Variants in PPP4R3A observed in about 807,000 individuals in gnomAD.
The protein encoded by PPP4R3A is protein phosphatase 4 regulatory subunit 3A.
PPP4R3A carries 15 observed loss-of-function variants against 91.7 expected under a neutral mutation model. The observed-to-expected ratio is 0.16, with a 90% CI of 0.11 to 0.25. The LOEUF is 0.25. Among genes scored for constraint, PPP4R3A ranks in the 10% least tolerant of loss-of-function variants. PPP4R3A has a pLI of 1.00. For synonymous variants in PPP4R3A, 377 were observed against 348.7 expected (o/e 1.08, Z -0.91); for missense variants, 623 against 998.4 (o/e 0.62, Z 5.07).
intron 10 of PPP4R3A, among the ~76,000 whole-genome samples, chr14:91,469,601 C>T (rs1292855672): frequency 6.6e-6 from 1 of 152,186 alleles, no homozygotes; most frequent in Non-Finnish European, 1.5e-5. Flanking sequence ...GACAGTGTCT[C>T]TCTGTTGCCC....
intron 1 of PPP4R3A, among the ~76,000 whole-genome samples, chr14:91,499,200 G>A (rs1890783207): frequency 6.6e-6 from 1 of 151,918 alleles, no homozygotes; most frequent in Non-Finnish European, 1.5e-5. Flanking sequence ...AGGAGGTTGA[G>A]GCTGCAGTGA....
intron 5 of PPP4R3A, 69 bp from the exon 6 acceptor site, chr14:91,476,593 C>T (rs1156960063): frequency 1.7e-6 from 2 of 1,194,098 alleles, no homozygotes; most frequent in African/African-American, 3.1e-5. Context: ...GAGACGGAGT[C>T]TTGCTCTTGT....
intron 1 of PPP4R3A, among the ~76,000 whole-genome samples, chr14:91,498,616 GCC>G (rs760389544): frequency 1.3e-5 from 2 of 151,866 alleles, no homozygotes; most frequent in African/African-American, 4.8e-5. Context: ...GATCACTTAA[GCC>G]TGGCTAATTT....
intron 10 of PPP4R3A, among the ~76,000 whole-genome samples, chr14:91,466,882 TATTTTAAGA>T (rs1397034788): frequency 6.6e-6 from 1 of 152,064 alleles, no homozygotes; most frequent in Non-Finnish European, 1.5e-5. Flanking sequence ...GGAGTATTAC[TATTTTAAGA>T]ATTTGTACTC....
intron 2 of PPP4R3A, among the ~76,000 whole-genome samples, chr14:91,487,053 C>A (rs1889934733): frequency 6.6e-6 from 1 of 151,838 alleles, no homozygotes; most frequent in East Asian, 1.9e-4. Context: ...TCAAGACCAG[C>A]CTGGCCAACA....
At chr14:91,459,376 G>T (rs1887981452) in intron 14 of PPP4R3A, among the ~76,000 whole-genome samples, 1 of 152,120 alleles carries the variant, frequency 6.6e-6, no homozygotes, top group Non-Finnish European at 1.5e-5. Context: ...AAAGTGCTGG[G>T]ATTACAGGCA....
chr14:91,471,037 CA>C, intron 9 of PPP4R3A, 42 bp from the exon 10 acceptor site: 1 of 1,525,824 alleles, frequency 6.6e-7, no homozygotes, highest in Non-Finnish European at 8.8e-7. Context: ...TAATGACTAA[CA>C]TTTTTCCTTC....
At chr14:91,480,681 T>G (rs1279669343) in intron 4 of PPP4R3A, among the ~76,000 whole-genome samples, 1 of 152,190 alleles carries the variant, frequency 6.6e-6, no homozygotes, top group South Asian at 2.1e-4. Context: ...ATCTGTTCTA[T>G]TCTATGCAAA....
chr14:91,492,103 G>A (rs1309309240), intron 1 of PPP4R3A, among the ~76,000 whole-genome samples: 2 of 152,320 alleles, frequency 1.3e-5, no homozygotes, highest in South Asian at 2.1e-4. Context: ...TTTATGGACA[G>A]CAGAAGGTAA....
chr14:91,500,877 C>G (rs1323477036), intron 1 of PPP4R3A, among the ~76,000 whole-genome samples: 1 of 151,992 alleles, frequency 6.6e-6, no homozygotes, highest in Non-Finnish European at 1.5e-5. Context: ...ACAAAAAATG[C>G]AAAAATTAGC....
chr14:91,463,800 T>C (rs1888307882), intron 11 of PPP4R3A, among the ~76,000 whole-genome samples: 1 of 152,156 alleles, frequency 6.6e-6, no homozygotes, highest in Admixed American at 6.5e-5. Context: ...ATGTGCGTAT[T>C]TGTTATACGG....
intron 1 of PPP4R3A, among the ~76,000 whole-genome samples, chr14:91,498,058 G>A (rs1479027013): frequency 6.6e-6 from 1 of 152,178 alleles, no homozygotes; most frequent in African/African-American, 2.4e-5. Context: ...AAGTAGGCCA[G>A]GCATGGTGGC....
Position 91,507,420 on chromosome 14 carries a change from A to ATATATACTATAATTATATATAC in PPP4R3A, c.142+2085_142+2086insGTATATATAATTATAGTATATA, listed in dbSNP as rs1566660364. ...GTACTATAATTATATATACTATATA[A>ATATATACTATAATTATATATAC]TATATATACTATAATTATATATACT... On this transcript the variant is annotated intron_variant, in intron 1 of 14. Coordinates refer to ENST00000554943, the MANE Select transcript of PPP4R3A (RefSeq NM_001366432.2). 5.4e-4 allele frequency among the ~76,000 whole-genome samples: 43 copies of ATATATACTATAATTATATATAC among 79,754 alleles called. 5 individuals carry two copies. Among genetic ancestry groups the ATATATACTATAATTATATATAC allele is most frequent in the African/African-American group, 2.2e-3 (39 of 17,498 alleles). 52.3% of individuals were successfully genotyped at this position (79,754 alleles called of 152,430 possible).
intron 14 of PPP4R3A, 77 bp from the exon 15 acceptor site, chr14:91,458,946 GA>G: frequency 6.8e-7 from 1 of 1,463,180 alleles, no homozygotes; most frequent in South Asian, 1.4e-5. Context: ...GCTGGAGAAA[GA>G]AAATAGATCC....
At chr14:91,479,668 C>T (rs932318998) in intron 4 of PPP4R3A, among the ~76,000 whole-genome samples, 15 of 151,978 alleles carry the variant, frequency 9.9e-5, no homozygotes, top group African/African-American at 2.2e-4. Flanking sequence ...CTCAGCCTCC[C>T]GAGTCTGGGA....
chr14:91,463,594 G>A (rs1219030563), intron 11 of PPP4R3A, among the ~76,000 whole-genome samples: 4 of 151,772 alleles, frequency 2.6e-5, no homozygotes, highest in African/African-American at 9.7e-5. Context: ...CCACCATACG[G>A]GGCTAAGTTT....
chr14:91,470,973 T>C lies in PPP4R3A; in HGVS notation c.1524A>G (p.Leu508=). 2 of 1,598,558 alleles carry C rather than the reference T, an allele frequency of 1.3e-6. No homozygotes were observed. Among genetic ancestry groups the C allele is most frequent in the Middle Eastern group, 1.7e-4 (1 of 6,032 alleles). Residue 508 remains leucine, a synonymous_variant, in exon 10 of 15, where the codon CTA becomes CTG. Coordinates refer to ENST00000554943, the MANE Select transcript of PPP4R3A (RefSeq NM_001366432.2). ...PSKDDFQTAQ[L]LALVLELLTF... Reference sequence around the variant, plus strand: ...TTAACAATTCCAATACAAGTGCCAATAGTTGGGCAGTCTGAAAATCATCTA... The same window carrying C: ...TTAACAATTCCAATACAAGTGCCAACAGTTGGGCAGTCTGAAAATCATCTA...
chr14:91,506,529 C>T (rs962642000), intron 1 of PPP4R3A, among the ~76,000 whole-genome samples: 10 of 152,054 alleles, frequency 6.6e-5, no homozygotes, highest in Non-Finnish European at 1.5e-4. Flanking sequence ...CACAAGTATC[C>T]TGGAATTTTT....
intron 2 of PPP4R3A, among the ~76,000 whole-genome samples, chr14:91,489,164 CCCAAAG>C (rs1343721322): frequency 1.3e-5 from 2 of 152,204 alleles, no homozygotes; most frequent in East Asian, 3.9e-4. Flanking sequence ...GCCTCGGCCT[CCCAAAG>C]TGCTGGGATT....
Sources: allele counts gnomAD v4.1 joint callset (sites outside exome capture counted in the v4.1 genomes callset), GRCh38; gene constraint gnomAD v4.1.1; transcripts MANE v1.5; gene names NCBI Gene and HGNC (gene_info 2026-07-23, HGNC 2026-07-21).